The following LZTFL1 variants were observed in gnomAD, a reference collection of about 807,000 sequenced individuals.
LZTFL1 encodes the protein leucine zipper transcription factor like 1.
LZTFL1 carries 25 observed loss-of-function variants against 45.9 expected under a neutral mutation model. That is an observed-to-expected ratio of 0.54 (90% CI 0.40 to 0.76). LZTFL1 has a LOEUF of 0.76. LZTFL1 is among the 30% of genes least tolerant of loss of function. The pLI, the probability that LZTFL1 is intolerant of heterozygous loss-of-function variation, is 0.00. For synonymous variants in LZTFL1, 93 were observed against 117.4 expected (o/e 0.79, Z 1.35); for missense variants, 277 against 331.1 (o/e 0.84, Z 1.27).
At chr3:45,841,253 A>G (rs1189502221) in intron 1 of LZTFL1, among the ~76,000 whole-genome samples, 1 of 152,214 alleles carries the variant, frequency 6.6e-6, no homozygotes, top group African/African-American at 2.4e-5. Flanking sequence ...TTCAGTAGCT[A>G]TTTCAGGTGG....
rs1282164277 is a variant in LZTFL1 at position 45,901,724 on chromosome 3, GA to G, written c.-215+11395del. On this transcript the variant is annotated intron_variant, in intron 2 of 4. Coordinates refer to the LZTFL1 transcript ENST00000472635. The surrounding 1 kb of genome is among the most constrained non-coding windows in gnomAD (Gnocchi z 4.3). Reference sequence around the variant, plus strand: ...CCATCGCCTTCTTCCACAGTTGCCTGAACCCTGTTCTCTATGTTTTTGTGGG... The same window carrying G: ...CCATCGCCTTCTTCCACAGTTGCCTGACCCTGTTCTCTATGTTTTTGTGGG... 1 of 1,614,162 alleles carries G rather than the reference GA, an allele frequency of 6.2e-7. No homozygotes were observed. Among genetic ancestry groups the G allele is most frequent in the South Asian group, 1.1e-5 (1 of 91,082 alleles).
intron 2 of LZTFL1, among the ~76,000 whole-genome samples, chr3:45,867,487 G>A (rs779864278): frequency 6.6e-5 from 10 of 152,060 alleles, no homozygotes; most frequent in Non-Finnish European, 1.0e-4. Context: ...AATCTTTGGG[G>A]TGAATTGGAA....
At chr3:45,905,109 T>G (rs1702655124) in intron 2 of LZTFL1, among the ~76,000 whole-genome samples, 1 of 152,128 alleles carries the variant, frequency 6.6e-6, no homozygotes, top group Non-Finnish European at 1.5e-5. Context: ...TTTTAGATAC[T>G]CAAAAAAAAT....
chr3:45,831,652 C>T (rs1243870589), intron 5 of LZTFL1, among the ~76,000 whole-genome samples: 1 of 152,174 alleles, frequency 6.6e-6, no homozygotes, highest in Non-Finnish European at 1.5e-5. Flanking sequence ...AACACATCAG[C>T]CCAGTCAGAG....
chr3:45,832,093 G>A (rs1299960906), intron 5 of LZTFL1, among the ~76,000 whole-genome samples: 1 of 151,938 alleles, frequency 6.6e-6, no homozygotes, highest in East Asian at 1.9e-4. Context: ...AAATTAGCCG[G>A]GCGTGGTGGC....
At chr3:45,865,980 C>A (rs1701572546) in intron 2 of LZTFL1, among the ~76,000 whole-genome samples, 1 of 152,210 alleles carries the variant, frequency 6.6e-6, no homozygotes, top group South Asian at 2.1e-4. Flanking sequence ...TATTGGTACA[C>A]ATGACAACGT....
intron 5 of LZTFL1, chr3:45,832,834 C>A: frequency 1.1e-5 from 5 of 437,692 alleles, no homozygotes; most frequent in Non-Finnish European, 2.0e-5. Context: ...ATGCTCTTCA[C>A]TTTACCTTGA....
At chr3:45,847,000 A>AT (rs1206338509), upstream of LZTFL1, among the ~76,000 whole-genome samples, 1 of 152,228 alleles carries the variant, frequency 6.6e-6, no homozygotes, top group Non-Finnish European at 1.5e-5. Flanking sequence ...AATTGAAACC[A>AT]TTCTTCCAGA....
chr3:45,858,906 T>C (rs1307882521), intron 3 of LZTFL1: 1 of 152,242 alleles, frequency 6.6e-6, no homozygotes, highest in Non-Finnish European at 1.5e-5. Flanking sequence ...TTGTAAATTA[T>C]GGTTTTCAGA....
intron 2 of LZTFL1, among the ~76,000 whole-genome samples, chr3:45,909,350 C>T (rs901104340): frequency 2.0e-5 from 3 of 152,082 alleles, no homozygotes; most frequent in Non-Finnish European, 2.9e-5. Flanking sequence ...GGTTGGGGAC[C>T]GCTGGTATAA....
At chr3:45,827,816 T>G (rs1213367260) in intron 8 of LZTFL1, among the ~76,000 whole-genome samples, 2 of 152,170 alleles carry the variant, frequency 1.3e-5, no homozygotes, top group Non-Finnish European at 2.9e-5. Context: ...GATTTTTAAT[T>G]TAGTTAAATT....
intron 2 of LZTFL1, among the ~76,000 whole-genome samples, chr3:45,905,216 A>G (rs1405342399): frequency 6.6e-6 from 1 of 152,064 alleles, no homozygotes; most frequent in Non-Finnish European, 1.5e-5. Flanking sequence ...GCCAAGACAC[A>G]CCATAGTGCT....
At position 45,837,998 on chromosome 3, in the gene LZTFL1, A is replaced by G. The variant is rs1358791370; in HGVS notation, c.57T>C (p.Arg19=). The change falls in exon 2 of 10, where the codon CGT becomes CGC. Residue 19 remains arginine, a synonymous_variant. Transcript: ENST00000296135. The part of the protein sequence containing the change: ...HHQNEVINYM[R]FARSKRGLRL... ...TCAAGCCTCTCTTTGAACGAGCAAA[A>G]CGCATATAATTAATAACTTCATTTT... The G allele has an allele frequency of 6.2e-7, 1 of 1,613,600 alleles. No individual in the cohort carries two copies. Among genetic ancestry groups the G allele is most frequent in the Non-Finnish European group, 8.5e-7 (1 of 1,179,880 alleles).
At chr3:45,832,305 A>C (rs1225363410) in intron 5 of LZTFL1, among the ~76,000 whole-genome samples, 9 of 152,208 alleles carry the variant, frequency 5.9e-5, no homozygotes, top group Admixed American at 5.9e-4. Context: ...ACTGCTTTTT[A>C]TTTCTAACAA....
chr3:45,866,704 T>G (rs758066007), intron 2 of LZTFL1, among the ~76,000 whole-genome samples: 2 of 152,242 alleles, frequency 1.3e-5, no homozygotes, highest in East Asian at 1.9e-4. Context: ...TTGGGTTGTT[T>G]AGAGTCTTTC....
At chr3:45,913,861 T>C (rs1188736032) in intron 1 of LZTFL1, among the ~76,000 whole-genome samples, 1 of 152,182 alleles carries the variant, frequency 6.6e-6, no homozygotes, top group Non-Finnish European at 1.5e-5. Flanking sequence ...TCTTCTGGAT[T>C]TGGGGAAGGG....
chr3:45,883,968 T>G (rs905213059), intron 2 of LZTFL1: 4 of 357,764 alleles, frequency 1.1e-5, no homozygotes, highest in African/African-American at 8.6e-5. Context: ...GACAAATGAA[T>G]GTGCTGCACT....
At chr3:45,895,560 CA>C (rs1047596235) in intron 2 of LZTFL1, among the ~76,000 whole-genome samples, 1 of 152,070 alleles carries the variant, frequency 6.6e-6, no homozygotes, top group African/African-American at 2.4e-5. Context: ...ACTAAAAATA[CA>C]AAAATAGCTA....
chr3:45,836,013 T>G (rs564782416), intron 2 of LZTFL1, among the ~76,000 whole-genome samples: 1 of 152,322 alleles, frequency 6.6e-6, no homozygotes, highest in Admixed American at 6.5e-5. Context: ...TTAATACAAG[T>G]AAATGCTCAA....
Sources: allele counts gnomAD v4.1 joint callset (sites outside exome capture counted in the v4.1 genomes callset), GRCh38; gene constraint gnomAD v4.1.1; non-coding constraint Gnocchi (gnomAD v3.1); transcripts MANE v1.5; gene names NCBI Gene and HGNC (gene_info 2026-07-23, HGNC 2026-07-21).